Variants in EIF4ENIF1 observed in about 807,000 individuals in gnomAD.
EIF4ENIF1 encodes the protein eukaryotic translation initiation factor 4E transporter.
A neutral mutation model predicts 110.5 loss-of-function variants in EIF4ENIF1; 23 were observed. The observed-to-expected ratio is 0.21, with a 90% CI of 0.15 to 0.29. The LOEUF is 0.29. Among genes scored for constraint, EIF4ENIF1 ranks in the 10% least tolerant of loss-of-function variants. The probability of loss-of-function intolerance (pLI) is 1.00; values close to 1 mark genes in which losing one functional copy is unlikely to be tolerated. For synonymous variants in EIF4ENIF1, 440 were observed against 437.0 expected (o/e 1.01, Z -0.09); for missense variants, 1,031 against 1,221.1 (o/e 0.84, Z 2.32).
In EIF4ENIF1 at chr22:31,463,078, T is replaced by TA. The variant is rs2051049949; in HGVS notation, c.640dup (p.Tyr214LeufsTer18). 1 of 1,614,082 alleles carries TA rather than the reference T, an allele frequency of 6.2e-7. No homozygotes were observed. The highest frequency in any genetic ancestry group is 8.5e-7 in the Non-Finnish European group (1 of 1,180,038). On this transcript the variant is annotated frameshift_variant, in exon 6 of 19. Coordinates refer to ENST00000330125, the MANE Select transcript of EIF4ENIF1 (RefSeq NM_019843.4). LOFTEE classifies it high-confidence loss of function. Reference sequence around the variant, plus strand: ...GAACCACTCTGGTTCTTCTTCTGTGTAAGAATCATTTCTTCTACGCTCACC... The same window carrying TA: ...GAACCACTCTGGTTCTTCTTCTGTGTAAAGAATCATTTCTTCTACGCTCACC...
intron 7 of EIF4ENIF1, among the ~76,000 whole-genome samples, chr22:31,458,233 A>G (rs890692583): frequency 6.6e-6 from 1 of 151,908 alleles, no homozygotes; most frequent in Non-Finnish European, 1.5e-5. Context: ...AACTCAAAAA[A>G]AAAAAAACAA....
chr22:31,477,390 AAGAG>A (rs1555910916), intron 2 of EIF4ENIF1, among the ~76,000 whole-genome samples: 3 of 133,630 alleles, frequency 2.2e-5, no homozygotes, highest in Admixed American at 7.8e-5. Flanking sequence ...AAAACAAAAA[AAGAG>A]AATTTGAAAT....
At chr22:31,472,013 C>T (rs1182336680) in intron 2 of EIF4ENIF1, 96 bp from the exon 3 acceptor site, 2 of 913,202 alleles carry the variant, frequency 2.2e-6, no homozygotes, top group Admixed American at 2.8e-5. Context: ...CCATCTTAAA[C>T]ACTTCACACA....
chr22:31,446,616 T>C (rs2050488881), intron 14 of EIF4ENIF1, among the ~76,000 whole-genome samples: 1 of 152,160 alleles, frequency 6.6e-6, no homozygotes, highest in Non-Finnish European at 1.5e-5. Context: ...GATGTGCATT[T>C]TGGTGATAAA....
rs148736575 is a variant in EIF4ENIF1 at position 31,466,241 on chromosome 22, T to C, written c.298+1934A>G. On this transcript the variant is annotated intron_variant, in intron 4 of 18. Coordinates refer to ENST00000330125, the MANE Select transcript of EIF4ENIF1 (RefSeq NM_019843.4). ...CAGCCTGGCCAACATGGTGAAACCC[T>C]GTCTCTACTAAAAATACAAAAATTA... Among the ~76,000 whole-genome samples the C allele has an allele frequency of 6.1e-3, 936 of 152,280 alleles. 12 individuals carry two copies. The highest frequency in any genetic ancestry group is 0.021 in the African/African-American group (881 of 41,560).
At chr22:31,446,584 A>G (rs929147334) in intron 14 of EIF4ENIF1, among the ~76,000 whole-genome samples, 5 of 152,192 alleles carry the variant, frequency 3.3e-5, no homozygotes, top group African/African-American at 1.2e-4. Flanking sequence ...TTTTAAAGGT[A>G]GACTAAACTA....
upstream of EIF4ENIF1, among the ~76,000 whole-genome samples, chr22:31,490,753 T>TA (rs1341888551): frequency 6.6e-6 from 1 of 152,184 alleles, no homozygotes; most frequent in Non-Finnish European, 1.5e-5. Flanking sequence ...TGTGCTGGAA[T>TA]ACCACAAGCA....
At chr22:31,493,542 T>C (rs1358940650), upstream of EIF4ENIF1, among the ~76,000 whole-genome samples, 1 of 152,046 alleles carries the variant, frequency 6.6e-6, no homozygotes, top group Non-Finnish European at 1.5e-5. Flanking sequence ...GCCAGGCTGG[T>C]CTGAACTCCT....
At chr22:31,475,855 C>G (rs1301778023) in intron 2 of EIF4ENIF1, among the ~76,000 whole-genome samples, 3 of 136,616 alleles carry the variant, frequency 2.2e-5, no homozygotes, top group Admixed American at 8.2e-5. Flanking sequence ...GACCCTGTCT[C>G]AAAAAAAGAA....
At chr22:31,487,230 C>T (rs1282637159) in intron 2 of EIF4ENIF1, among the ~76,000 whole-genome samples, 2 of 152,174 alleles carry the variant, frequency 1.3e-5, no homozygotes, top group Non-Finnish European at 2.9e-5. Context: ...AAGACCAAAT[C>T]TGAATGTGGA....
chr22:31,457,039 T>C (rs560993191), intron 7 of EIF4ENIF1, among the ~76,000 whole-genome samples: 1 of 152,270 alleles, frequency 6.6e-6, no homozygotes, highest in Non-Finnish European at 1.5e-5. Context: ...AAGGTTGTAA[T>C]GAACATTATG....
rs1475066421 is a variant in EIF4ENIF1, at chr22:31,455,157, T to C, written c.1258A>G (p.Lys420Glu). Residue 420 changes from lysine to glutamate, a missense_variant, in exon 9 of 19, where the codon AAA becomes GAA. Coordinates refer to ENST00000330125, the MANE Select transcript of EIF4ENIF1 (RefSeq NM_019843.4). ...TTACAGCTTTCTTTAAGTTTTTCTT[T>C]ATTTGCAGAAAGGCTGGAAAGAAGA... ...KPLLSSLSANKEKLKESSHSG... is the reference protein window; with the variant it reads ...KPLLSSLSANEEKLKESSHSG... The C allele has an allele frequency of 3.7e-6, 6 of 1,611,438 alleles. No individual in the cohort carries two copies. In the African/African-American group the frequency reaches 5.4e-5, roughly 14 times the overall value.
Position 31,456,001 on chromosome 22 carries a change from C to A in EIF4ENIF1, c.964-14G>T, listed in dbSNP as rs992755152. Reference sequence around the variant, plus strand: ...ATCTTCTATCATCTGAAGAAAAAGACAATAAAAACTAATAGTTTCTAGATG... The same window carrying A: ...ATCTTCTATCATCTGAAGAAAAAGAAAATAAAAACTAATAGTTTCTAGATG... On this transcript the variant is annotated splice_polypyrimidine_tract_variant and intron_variant, in intron 7 of 18. Transcript: ENST00000330125. 7 of 1,611,426 alleles carry A rather than the reference C, an allele frequency of 4.3e-6. No homozygotes were observed. The African/African-American group carries it at 6.7e-5, about 15-fold the overall frequency.
chr22:31,442,153 C>T (rs967545981), intron 16 of EIF4ENIF1, 35 bp from the exon 17 acceptor site: 2 of 1,531,424 alleles, frequency 1.3e-6, no homozygotes, highest in South Asian at 1.2e-5. Flanking sequence ...TTTTGGCAAA[C>T]CTCTCCCAAA....
downstream of EIF4ENIF1, among the ~76,000 whole-genome samples, chr22:31,438,417 A>C (rs996961764): frequency 6.6e-6 from 1 of 152,168 alleles, no homozygotes; most frequent in African/African-American, 2.4e-5. Context: ...CAATTAATGC[A>C]TGAGTCTTAA....
chr22:31,480,189 A>G (rs941599609), intron 2 of EIF4ENIF1, among the ~76,000 whole-genome samples: 1 of 152,174 alleles, frequency 6.6e-6, no homozygotes, highest in African/African-American at 2.4e-5. Flanking sequence ...AAGCATAAAC[A>G]TATTTTCTTA....
At chr22:31,488,322 T>C (rs76872482) in intron 2 of EIF4ENIF1, among the ~76,000 whole-genome samples, 25 of 152,244 alleles carry the variant, frequency 1.6e-4, no homozygotes, top group African/African-American at 6.0e-4. Flanking sequence ...TGTAAATCAA[T>C]AAACGTACCA....
rs2052141720 is a variant in EIF4ENIF1, at chr22:31,488,753, A to T, written c.-27-8T>A. ...GTCTACAATGCTCTGCACCTGGAAGATAAATCGGCACAAAATTGTCACCGA... is the reference window on the plus strand; with the variant it reads ...GTCTACAATGCTCTGCACCTGGAAGTTAAATCGGCACAAAATTGTCACCGA... On this transcript the variant is annotated splice_region_variant and splice_polypyrimidine_tract_variant and intron_variant, in intron 1 of 18. Transcript: ENST00000330125. The T allele has an allele frequency of 6.3e-7, 1 of 1,592,202 alleles. No individual in the cohort carries two copies. The highest frequency in any genetic ancestry group is 2.2e-5 in the East Asian group (1 of 44,616).
intron 10 of EIF4ENIF1, 28 bp downstream of exon 10, chr22:31,454,116 G>C: frequency 6.3e-7 from 1 of 1,588,620 alleles, no homozygotes; most frequent in Non-Finnish European, 8.6e-7. Context: ...AAGGAGAAAA[G>C]GGTGGGGGGT....
Sources: gnomAD v4.1 joint callset for allele counts (sites outside exome capture counted in the v4.1 genomes callset) on GRCh38, gnomAD v4.1.1 for gene constraint, MANE v1.5 for transcripts, NCBI Gene and HGNC (gene_info 2026-07-23, HGNC 2026-07-21) for gene names.